ACTR1A: variants seen among roughly 807,000 people sequenced by gnomAD.
The protein encoded by ACTR1A is actin related protein 1A, also known as alpha-centractin.
A neutral mutation model predicts 50.7 loss-of-function variants in ACTR1A; 10 were observed. That is an observed-to-expected ratio of 0.20 (90% CI 0.12 to 0.33). The LOEUF is 0.33. Among genes scored for constraint, ACTR1A ranks in the 10% least tolerant of loss-of-function variants. ACTR1A has a pLI of 1.00. For synonymous variants in ACTR1A, 177 were observed against 184.2 expected (o/e 0.96, Z 0.32); for missense variants, 253 against 491.7 (o/e 0.51, Z 4.59).
At chr10:102,496,357 C>CTTCTCTTT (rs1210590405) in intron 1 of ACTR1A, among the ~76,000 whole-genome samples, 1 of 152,198 alleles carries the variant, frequency 6.6e-6, no homozygotes, top group Non-Finnish European at 1.5e-5. Context: ...TATTCTCTCT[C>CTTCTCTTT]TTCTCTTTTG....
At chr10:102,485,399 C>T (rs1564648492) in intron 5 of ACTR1A, among the ~76,000 whole-genome samples, 1 of 152,220 alleles carries the variant, frequency 6.6e-6, no homozygotes, top group Non-Finnish European at 1.5e-5. Context: ...GGGATATGGT[C>T]AATAGCAGCC....
At chr10:102,502,319 C>G (rs2062260721) in intron 1 of ACTR1A, among the ~76,000 whole-genome samples, 1 of 152,256 alleles carries the variant, frequency 6.6e-6, no homozygotes, top group Admixed American at 6.5e-5. Context: ...CGACGGGAAT[C>G]TCACACAGCG....
In ACTR1A at chr10:102,495,601, G is replaced by C. The variant is rs535988309; in HGVS notation, c.49-4988C>G. Reference sequence around the variant, plus strand: ...AAAAATTAGCCGGGTGTGGTGGCACGTGCCTATAGTCCCAGTACTCGGGAG... The same window carrying C: ...AAAAATTAGCCGGGTGTGGTGGCACCTGCCTATAGTCCCAGTACTCGGGAG... On this transcript the variant is annotated intron_variant, in intron 1 of 10. Transcript: ENST00000369905. 2.7e-4 allele frequency among the ~76,000 whole-genome samples: 41 copies of C among 150,696 alleles called. No homozygotes were observed. The South Asian group carries it at 8.7e-3, about 32-fold the overall frequency.
At chr10:102,497,475 T>C (rs2062227851) in intron 1 of ACTR1A, among the ~76,000 whole-genome samples, 1 of 152,016 alleles carries the variant, frequency 6.6e-6, no homozygotes, top group South Asian at 2.1e-4. Context: ...TACTCCCAGC[T>C]ACTTGGGAGG....
At chr10:102,493,300 C>T (rs1489875323) in intron 1 of ACTR1A, among the ~76,000 whole-genome samples, 5 of 152,204 alleles carry the variant, frequency 3.3e-5, no homozygotes, top group Non-Finnish European at 7.3e-5. Flanking sequence ...TTTGCTCAGG[C>T]TTCCAATGAT....
chr10:102,485,817 T>A (rs1233174333), intron 4 of ACTR1A, 84 bp from the exon 5 acceptor site: 55 of 1,576,710 alleles, frequency 3.5e-5, no homozygotes, highest in Non-Finnish European at 4.5e-5. Context: ...CCTGCCTTGC[T>A]GGTTTGAGAG....
At chr10:102,498,469 T>C (rs1350672957) in intron 1 of ACTR1A, among the ~76,000 whole-genome samples, 1 of 152,170 alleles carries the variant, frequency 6.6e-6, no homozygotes, top group Admixed American at 6.5e-5. Flanking sequence ...GGAATGTTGA[T>C]CCATTTTAGG....
intron 1 of ACTR1A, among the ~76,000 whole-genome samples, chr10:102,494,142 C>T (rs1388384383): frequency 6.6e-6 from 1 of 152,250 alleles, no homozygotes. Flanking sequence ...AATAAGCTGC[C>T]ACTGTCTTTG....
At chr10:102,489,899 G>A (rs553106285) in intron 2 of ACTR1A, among the ~76,000 whole-genome samples, 1 of 152,026 alleles carries the variant, frequency 6.6e-6, no homozygotes, top group South Asian at 2.1e-4. Context: ...GTAAGCCTCT[G>A]TGCTCTTCTC....
chr10:102,486,472 CTGAGGTCGGGAGTTCGAGA>C (rs2062168614), intron 4 of ACTR1A, among the ~76,000 whole-genome samples: 1 of 152,054 alleles, frequency 6.6e-6, no homozygotes, highest in Non-Finnish European at 1.5e-5. Context: ...TGCGGATCAT[CTGAGGTCGGGAGTTCGAGA>C]CCAGCCTGAC....
intron 1 of ACTR1A, among the ~76,000 whole-genome samples, chr10:102,495,755 A>ATTTTTT (rs79530206): frequency 5.0e-5 from 5 of 99,574 alleles, no homozygotes; most frequent in East Asian, 3.3e-4. Context: ...TAAATACACA[A>ATTTTTT]TTTTTTTTTT....
chr10:102,495,220 C>A (rs1004868680), intron 1 of ACTR1A, among the ~76,000 whole-genome samples: 1 of 152,014 alleles, frequency 6.6e-6, no homozygotes, highest in Non-Finnish European at 1.5e-5. Flanking sequence ...GATCTTGCCA[C>A]TGCACTCCAG....
At position 102,488,699 on chromosome 10, in the gene ACTR1A, C is replaced by T. The variant is rs1352899380; in HGVS notation, c.189+364G>A. On this transcript the variant is annotated intron_variant, in intron 3 of 10. Coordinates refer to ENST00000369905, the MANE Select transcript of ACTR1A (RefSeq NM_005736.4). This position sits in a 1 kb window ranked among gnomAD's most constrained non-coding sequence, Gnocchi z 4.4. ...TCTGACAAAGCTGTGTGAATTAACT[C>T]ATCCCTAGGGTACCCCAGCCAGGAT... Among the ~76,000 whole-genome samples, 1 of 152,198 alleles carries T rather than the reference C, an allele frequency of 6.6e-6. No individual in the cohort carries two copies. The highest frequency in any genetic ancestry group is 1.5e-5 in the Non-Finnish European group (1 of 68,034).
chr10:102,479,675 T>C lies in ACTR1A; in HGVS notation c.*1188A>G, dbSNP rs778619373. 8 of 1,289,452 alleles carry C rather than the reference T, an allele frequency of 6.2e-6. No individual in the cohort carries two copies. In the South Asian group the frequency reaches 9.9e-5, roughly 16 times the overall value. 79.9% of individuals were successfully genotyped at this position (1,289,452 alleles called of 1,614,324 possible). A position where few individuals can be genotyped will look rare whatever the true frequency, so the allele number is the denominator to read the frequency against. On this transcript the variant is annotated 3_prime_UTR_variant, in exon 11 of 11. Coordinates refer to ENST00000369905, the MANE Select transcript of ACTR1A (RefSeq NM_005736.4). This position sits in a 1 kb window ranked among gnomAD's most constrained non-coding sequence, Gnocchi z 4.0. Reference sequence around the variant, plus strand: ...CACAAGATCAGCCCAGAGGGGGCCTTCCCACCTCTACAACCTAGTCCCCTG... The same window carrying C: ...CACAAGATCAGCCCAGAGGGGGCCTCCCCACCTCTACAACCTAGTCCCCTG...
chr10:102,479,739 G>A lies in ACTR1A; in HGVS notation c.*1124C>T. ...GCAAAAGGCAACTTGGTAAATTGCA[G>A]CTTTCTCCAGTCTTAAGGGCACTGG... is the stretch of plus-strand genomic sequence containing the variant. On this transcript the variant is annotated 3_prime_UTR_variant, in exon 11 of 11. Transcript: ENST00000369905. The surrounding 1 kb of genome is among the most constrained non-coding windows in gnomAD (Gnocchi z 4.0). The A allele has an allele frequency of 8.1e-7, 1 of 1,230,208 alleles. No individual in the cohort carries two copies. The highest frequency in any genetic ancestry group is 1.3e-5 in the South Asian group (1 of 79,020). The allele number at this position is 1,230,208 out of a possible 1,614,324, so 76.2% of individuals were successfully genotyped here.
chr10:102,483,841 T>C (rs897147899), intron 6 of ACTR1A, among the ~76,000 whole-genome samples: 1 of 152,108 alleles, frequency 6.6e-6, no homozygotes, highest in African/African-American at 2.4e-5. Flanking sequence ...CGAGACTCCA[T>C]CTCAGAAACA....
intron 1 of ACTR1A, among the ~76,000 whole-genome samples, chr10:102,496,528 T>C (rs1314149967): frequency 2.0e-5 from 3 of 152,260 alleles, no homozygotes; most frequent in South Asian, 2.1e-4. Flanking sequence ...CATCCTTGGC[T>C]TGCAAAATAT....
At chr10:102,485,939 A>G (rs1283731192) in intron 4 of ACTR1A, among the ~76,000 whole-genome samples, 1 of 152,122 alleles carries the variant, frequency 6.6e-6, no homozygotes, top group Non-Finnish European at 1.5e-5. Flanking sequence ...TTAAAATTTC[A>G]TTCTGTCCTC....
chr10:102,491,950 T>A (rs533691938), intron 1 of ACTR1A, among the ~76,000 whole-genome samples: 116 of 147,142 alleles, frequency 7.9e-4, no homozygotes, highest in African/African-American at 2.8e-3. Flanking sequence ...TTTTTTTTTT[T>A]AGTAGAGACA....
Sources: allele counts gnomAD v4.1 joint callset (sites outside exome capture counted in the v4.1 genomes callset), GRCh38; gene constraint gnomAD v4.1.1; non-coding constraint Gnocchi (gnomAD v3.1); transcripts MANE v1.5; gene names NCBI Gene and HGNC (gene_info 2026-07-23, HGNC 2026-07-21).